Variants in SCFD1 observed in about 807,000 individuals in gnomAD.
The protein encoded by SCFD1 is sec1 family domain containing 1, also known as sec1 family domain-containing protein 1.
In SCFD1, 37 loss-of-function variants were observed where a neutral mutation model predicts 103.2. That is an observed-to-expected ratio of 0.36 (90% confidence interval 0.28 to 0.47). SCFD1 has a LOEUF of 0.47. SCFD1 is among the 20% of genes least tolerant of loss of function. The pLI is 1.00. For synonymous variants in SCFD1, 264 were observed against 245.0 expected, an observed-to-expected ratio of 1.08 and a Z score of -0.73; for missense variants, 639 against 761.2, an observed-to-expected ratio of 0.84 and a Z score of 1.89.
intron 12 of SCFD1, among the ~76,000 whole-genome samples, chr14:30,673,720 G>A (rs1295187367): frequency 6.6e-6 from 1 of 152,106 alleles, no homozygotes; most frequent in Non-Finnish European, 1.5e-5. Context: ...CTAACCATTA[G>A]ACTGGCGATT....
Position 30,622,334 on chromosome 14 carries a change from C to T in SCFD1, c.-5C>T. 6.3e-7 allele frequency: 1 copy of T among 1,581,878 alleles called. No homozygotes were observed. Among genetic ancestry groups the T allele is most frequent in the Non-Finnish European group, 8.6e-7 (1 of 1,164,944 alleles). ...CCAGCCGGGCAGTGGCTCGTGGGAG[C>T]CAAGATGGCGGCGGCGGCGGCAGCG... On this transcript the variant is annotated 5_prime_UTR_variant, in exon 1 of 25. Transcript: ENST00000458591.
intron 23 of SCFD1, among the ~76,000 whole-genome samples, chr14:30,730,767 T>C (rs1893399538): frequency 6.6e-6 from 1 of 152,166 alleles, no homozygotes; most frequent in Non-Finnish European, 1.5e-5. Context: ...GTCAGATGAG[T>C]AGATTGCAAA....
At chr14:30,731,477 T>C (rs1190786315) in intron 23 of SCFD1, among the ~76,000 whole-genome samples, 2 of 152,220 alleles carry the variant, frequency 1.3e-5, no homozygotes, top group Non-Finnish European at 2.9e-5. Context: ...ATTCTTCCTA[T>C]CCATGGGCAT....
At chr14:30,643,910 A>G (rs757589098) in intron 7 of SCFD1, 54 of 455,438 alleles carry the variant, frequency 1.2e-4, no homozygotes, top group Non-Finnish European at 5.7e-5. Context: ...AGTTTGTTAC[A>G]TGGGTAAATT....
At chr14:30,695,813 A>G (rs923376122) in intron 15 of SCFD1, among the ~76,000 whole-genome samples, 5 of 152,148 alleles carry the variant, frequency 3.3e-5, no homozygotes, top group Non-Finnish European at 7.4e-5. Flanking sequence ...ACGATGTTGC[A>G]GTAAGCTAAG....
At position 30,638,151 on chromosome 14, in the gene SCFD1, A is replaced by T. The variant is rs764852992; in HGVS notation, c.339A>T (p.Ser113=). The change falls in exon 5 of 25, where the codon TCA becomes TCT. Residue 113 remains serine, a synonymous_variant. Coordinates refer to ENST00000458591, the MANE Select transcript of SCFD1 (RefSeq NM_016106.4). ...ATCTTCGAAATCAACTATATGAATC[A>T]TATTATTTAAATTTTATTTCTGCTA... The part of the protein sequence containing the change: ...CQDLRNQLYE[S]YYLNFISAIS... The T allele has an allele frequency of 1.2e-6, 2 of 1,610,704 alleles. No individual in the cohort carries two copies. Among genetic ancestry groups the T allele is most frequent in the African/African-American group, 2.7e-5 (2 of 74,700 alleles).
intron 10 of SCFD1, among the ~76,000 whole-genome samples, chr14:30,660,074 T>C (rs1258102713): frequency 2.0e-5 from 3 of 152,202 alleles, no homozygotes; most frequent in Admixed American, 6.5e-5. Flanking sequence ...CTGTATTGAT[T>C]GTTTCAAAGA....
chr14:30,637,372 T>C (rs1056470047), intron 4 of SCFD1, among the ~76,000 whole-genome samples: 2 of 152,078 alleles, frequency 1.3e-5, no homozygotes, highest in Non-Finnish European at 2.9e-5. Flanking sequence ...TCAATCCTCA[T>C]ACATAAATAA....
chr14:30,658,115 T>C (rs915698748), intron 10 of SCFD1: 1 of 454,922 alleles, frequency 2.2e-6, no homozygotes, highest in Non-Finnish European at 4.4e-6. Context: ...GCTGCAGAGC[T>C]GTGGACTTCA....
chr14:30,656,916 T>C (rs759833946), intron 10 of SCFD1, among the ~76,000 whole-genome samples: 129 of 152,140 alleles, frequency 8.5e-4, no homozygotes, highest in Non-Finnish European at 1.5e-3. Context: ...AGGGTAAGAA[T>C]AGGAGATGGG....
At chr14:30,645,515 G>A (rs983132672) in intron 7 of SCFD1, among the ~76,000 whole-genome samples, 4 of 151,984 alleles carry the variant, frequency 2.6e-5, no homozygotes, top group African/African-American at 7.3e-5. Context: ...TTTTCGTTTC[G>A]TAATTCTTGT....
At chr14:30,639,696 G>T in intron 5 of SCFD1, 81 bp from the exon 6 acceptor site, 2 of 1,349,350 alleles carry the variant, frequency 1.5e-6, no homozygotes, top group Non-Finnish European at 9.7e-7. Flanking sequence ...TTCTACCATT[G>T]GTAGGTTAGA....
At chr14:30,707,696 A>G in intron 18 of SCFD1, 1 of 365,604 alleles carries the variant, frequency 2.7e-6, no homozygotes, top group Non-Finnish European at 5.2e-6. Context: ...AAAAAAATAT[A>G]GCTAAGACTA....
At chr14:30,653,623 A>G in intron 10 of SCFD1, 35 bp downstream of exon 10, 1 of 1,342,510 alleles carries the variant, frequency 7.4e-7, no homozygotes, top group Non-Finnish European at 1.1e-6. Flanking sequence ...TTACTGAAAT[A>G]TAGTAACATG....
rs1220649120 is a variant in SCFD1 at position 30,639,785 on chromosome 14, C to A, written c.444C>A (p.Asp148Glu). Residue 148 changes from aspartate to glutamate, a missense_variant, in exon 6 of 25, where the codon GAC becomes GAA. Physicochemically the swap from Asp to Glu is conservative, Grantham distance 45. Coordinates refer to ENST00000458591, the MANE Select transcript of SCFD1 (RefSeq NM_016106.4). Reference sequence around the variant, plus strand: ...TTTTCTTTTGTTTCTAGGTTTTTGACCAATATCTCAATTTTATTACTTTGG... The same window carrying A: ...TTTTCTTTTGTTTCTAGGTTTTTGAACAATATCTCAATTTTATTACTTTGG... ...SAVTQVAKVF[D>E]QYLNFITLED... 1 of 1,570,992 alleles carries A rather than the reference C, an allele frequency of 6.4e-7. No individual in the cohort carries two copies. The highest frequency in any genetic ancestry group is 8.6e-7 in the Non-Finnish European group (1 of 1,159,230).
At chr14:30,734,768 G>T (rs745899483) in intron 23 of SCFD1, 22 bp from the exon 24 acceptor site, 1 of 1,585,674 alleles carries the variant, frequency 6.3e-7, no homozygotes, top group South Asian at 1.1e-5. Context: ...TTGTATCTAA[G>T]TTCTGACTCT....
intron 18 of SCFD1, among the ~76,000 whole-genome samples, chr14:30,706,653 G>A (rs1020040822): frequency 6.6e-6 from 1 of 152,138 alleles, no homozygotes; most frequent in Non-Finnish European, 1.5e-5. Context: ...TCTTACTCCA[G>A]AGACCCCAGT....
chr14:30,628,689 G>C (rs1267074937), intron 2 of SCFD1, among the ~76,000 whole-genome samples: 1 of 152,144 alleles, frequency 6.6e-6, no homozygotes, highest in African/African-American at 2.4e-5. Flanking sequence ...TAATTTATGA[G>C]ATATAAAACT....
In SCFD1 at chr14:30,700,180, C is replaced by T. The variant is rs532929252; in HGVS notation, c.1340-8C>T. On this transcript the variant is annotated splice_polypyrimidine_tract_variant and splice_region_variant and intron_variant, in intron 15 of 24. Transcript: ENST00000458591. ...AAAATATTTTTTAACCTCTTTTCCC[C>T]TATGCAGCAGGAACTCCAGAAGATA... is the stretch of plus-strand genomic sequence containing the variant. 1.9e-6 allele frequency: 3 copies of T among 1,597,494 alleles called. No individual in the cohort carries two copies. The highest frequency in any genetic ancestry group is 2.2e-5 in the East Asian group (1 of 44,770).
Sources: gnomAD v4.1 joint callset for allele counts (sites outside exome capture counted in the v4.1 genomes callset) on GRCh38, gnomAD v4.1.1 for gene constraint, MANE v1.5 for transcripts, NCBI Gene and HGNC (gene_info 2026-07-23, HGNC 2026-07-21) for gene names.